RACGAP1: variants seen among roughly 807,000 people sequenced by gnomAD.
RACGAP1 encodes the protein rac GTPase-activating protein 1.
In RACGAP1, 30 loss-of-function variants were observed where a neutral mutation model predicts 78.1. The observed-to-expected ratio is 0.38, with a 90% CI of 0.29 to 0.52. The LOEUF (loss-of-function observed/expected upper bound fraction) is 0.52. Among genes scored for constraint, RACGAP1 ranks in the 20% least tolerant of loss-of-function variants. RACGAP1 has a pLI of 0.82. For missense variants in RACGAP1, 587 were observed against 777.1 expected, an observed-to-expected ratio of 0.76 and a Z score of 2.91; for synonymous variants, 231 against 264.8, an observed-to-expected ratio of 0.87 and a Z score of 1.24.
intron 1 of RACGAP1, among the ~76,000 whole-genome samples, chr12:50,024,489 C>G (rs1338012162): frequency 6.6e-6 from 1 of 152,090 alleles, no homozygotes; most frequent in Admixed American, 6.5e-5. Flanking sequence ...GAATAATACA[C>G]ACTGGAGAAT....
chr12:50,018,610 T>TC (rs1949813327), intron 1 of RACGAP1: 1 of 1,240,568 alleles, frequency 8.1e-7, no homozygotes, highest in Admixed American at 2.3e-5. Flanking sequence ...AATGGAAGAC[T>TC]CTAATCAGTA....
upstream of RACGAP1, among the ~76,000 whole-genome samples, chr12:50,030,005 T>G (rs10161063): frequency 0.055 from 8,363 of 152,256 alleles, 783 homozygotes; most frequent in African/African-American, 0.19. Flanking sequence ...AAGCTGTGGC[T>G]CATGCCTGTA....
At chr12:50,031,205 G>T (rs886339074) in intron 2 of RACGAP1, among the ~76,000 whole-genome samples, 1 of 151,694 alleles carries the variant, frequency 6.6e-6, no homozygotes, top group South Asian at 2.1e-4. Flanking sequence ...TGCCGTGCGC[G>T]GTGGCTCACA....
At chr12:49,991,457 T>TTATTTATATATATATATATATA (rs1555169078) in intron 15 of RACGAP1, among the ~76,000 whole-genome samples, 6 of 27,402 alleles carry the variant, frequency 2.2e-4, no homozygotes, top group Admixed American at 6.3e-4. Flanking sequence ...ATTTAAACTA[T>TTATTTATATATATATATATATA]TATATATATA....
intron 2 of RACGAP1, among the ~76,000 whole-genome samples, chr12:50,010,513 C>T (rs999233243): frequency 2.0e-5 from 3 of 151,676 alleles, no homozygotes; most frequent in Middle Eastern, 3.2e-3. Flanking sequence ...TTAGTAGAGA[C>T]GGGGTTTCAC....
intron 2 of RACGAP1, among the ~76,000 whole-genome samples, chr12:50,008,540 TG>T (rs1949116629): frequency 7.4e-6 from 1 of 135,432 alleles, no homozygotes; most frequent in Non-Finnish European, 1.6e-5. Context: ...TCACCCAGAC[TG>T]GAGTGCAGTA....
chr12:50,025,278 CCTGTCCCG>C (rs996019425), intron 1 of RACGAP1, 112 bp downstream of exon 1: 257 of 983,748 alleles, frequency 2.6e-4, no homozygotes, highest in Non-Finnish European at 3.0e-4. Flanking sequence ...TGGCTGCCAG[CCTGTCCCG>C]CTGTCCCGCT....
At chr12:50,014,617 C>T (rs977585401) in intron 2 of RACGAP1, among the ~76,000 whole-genome samples, 14 of 152,136 alleles carry the variant, frequency 9.2e-5, no homozygotes, top group Non-Finnish European at 1.0e-4. Context: ...GGCTGGAGTA[C>T]AGGAGTGTGA....
intron 1 of RACGAP1, among the ~76,000 whole-genome samples, chr12:50,021,460 G>T (rs1431256028): frequency 1.3e-5 from 2 of 152,196 alleles, no homozygotes; most frequent in African/African-American, 2.4e-5. Flanking sequence ...CACCATGAAA[G>T]AGTCTCAGCT....
intron 9 of RACGAP1, among the ~76,000 whole-genome samples, chr12:49,998,780 C>A (rs1046965509): frequency 6.6e-6 from 1 of 151,770 alleles, no homozygotes; most frequent in African/African-American, 2.4e-5. Context: ...ACATCTGTAT[C>A]CCTACTACTC....
intron 1 of RACGAP1, among the ~76,000 whole-genome samples, chr12:50,022,051 T>TTGAATTGTG (rs1405686276): frequency 2.0e-5 from 3 of 152,264 alleles, no homozygotes; most frequent in Non-Finnish European, 4.4e-5. Context: ...AAGGGAAGAT[T>TTGAATTGTG]TGAATTGTGA....
At chr12:50,025,661 TTTTTTTTG>T, upstream of RACGAP1, 1 of 498,566 alleles carries the variant, frequency 2.0e-6, no homozygotes, top group Non-Finnish European at 2.5e-6. Flanking sequence ...GGTTTTTCGG[TTTTTTTTG>T]TTTTTTTTTG....
intron 3 of RACGAP1, among the ~76,000 whole-genome samples, chr12:50,005,653 A>T (rs905705299): frequency 6.6e-6 from 1 of 152,254 alleles, no homozygotes; most frequent in African/African-American, 2.4e-5. Context: ...ATCCAAGAGG[A>T]GAATAATGCA....
At chr12:49,996,897 C>T (rs1948327254) in intron 10 of RACGAP1, 143 bp downstream of exon 10, 5 of 1,291,468 alleles carry the variant, frequency 3.9e-6, no homozygotes, top group Non-Finnish European at 9.9e-7. Flanking sequence ...GACTCTTCTA[C>T]AAGTAAGTAT....
At chr12:50,012,403 A>G (rs191723149) in intron 2 of RACGAP1, among the ~76,000 whole-genome samples, 2 of 152,146 alleles carry the variant, frequency 1.3e-5, no homozygotes, top group Admixed American at 1.3e-4. Flanking sequence ...TACTAAAAAT[A>G]CAAAAAAATT....
Position 49,992,383 on chromosome 12 carries a change from CA to C in RACGAP1, c.1446-7del. ...TATGTGGACTCTGAGCCACTCTAAG[CA>C]AAAGAATATTAAATTAGAAGTCTTG... On this transcript the variant is annotated splice_polypyrimidine_tract_variant and splice_region_variant and intron_variant, in intron 13 of 16. Transcript: ENST00000312377. The C allele has an allele frequency of 1.2e-6, 2 of 1,612,820 alleles. No homozygotes were observed. Among genetic ancestry groups the C allele is most frequent in the East Asian group, 4.5e-5 (2 of 44,830 alleles).
intron 6 of RACGAP1, among the ~76,000 whole-genome samples, chr12:50,001,729 C>T (rs999245761): frequency 6.6e-6 from 1 of 152,196 alleles, no homozygotes; most frequent in South Asian, 2.1e-4. Context: ...GCAGCCTAAA[C>T]AGTGAAATGG....
At chr12:50,011,331 C>CAAA (rs34796842) in intron 2 of RACGAP1, among the ~76,000 whole-genome samples, 1 of 71,454 alleles carries the variant, frequency 1.4e-5, no homozygotes, top group Admixed American at 1.4e-4. Flanking sequence ...GAGACTGTCT[C>CAAA]AAAAAAAAAA....
intron 1 of RACGAP1, chr12:50,020,983 G>A (rs1949975695): frequency 3.0e-6 from 1 of 330,804 alleles, no homozygotes; most frequent in Non-Finnish European, 4.3e-6. Flanking sequence ...ATTTATAGAT[G>A]ACAAAAATAT....
Sources: gnomAD v4.1 joint callset for allele counts (sites outside exome capture counted in the v4.1 genomes callset) on GRCh38, gnomAD v4.1.1 for gene constraint, MANE v1.5 for transcripts, NCBI Gene and HGNC (gene_info 2026-07-23, HGNC 2026-07-21) for gene names.